Variants in VIT observed in about 807,000 individuals in gnomAD.
VIT encodes vitrin.
Under a neutral mutation model 78.0 loss-of-function variants are expected in VIT, and 99 were observed. The ratio of observed to expected loss-of-function variants is 1.27; its 90% confidence interval spans 1.08 to 1.50. The LOEUF (loss-of-function observed/expected upper bound fraction) is 1.50. Among genes scored for constraint, VIT ranks in the 40% most tolerant of loss-of-function variants. The probability of loss-of-function intolerance (pLI) is 0.00; values close to 1 mark genes in which losing one functional copy is unlikely to be tolerated. For synonymous variants in VIT, 374 were observed against 334.3 expected (o/e 1.12, Z -1.29); for missense variants, 1,126 against 875.3 (o/e 1.29, Z -3.61).
At position 36,743,209 on chromosome 2, in the gene VIT, T is replaced by C; in HGVS notation, c.228T>C (p.Thr76=). Residue 76 remains threonine (T), a synonymous_variant, in exon 4 of 16, where the codon ACT becomes ACC. Coordinates refer to ENST00000379242, the MANE Select transcript of VIT (RefSeq NM_053276.4). The part of the protein sequence containing the change: ...CQDPKYHVYG[T]DVYASYSSVC... ...ACCCCAAATACCATGTTTATGGCACTGACGTGTATGCATCCTACTCCAGTG... is the reference window on the plus strand; with the variant it reads ...ACCCCAAATACCATGTTTATGGCACCGACGTGTATGCATCCTACTCCAGTG... 2 of 1,614,108 alleles carry C rather than the reference T, an allele frequency of 1.2e-6. No individual in the cohort carries two copies. The highest frequency in any genetic ancestry group is 1.7e-6 in the Non-Finnish European group (2 of 1,179,970).
intron 2 of VIT, among the ~76,000 whole-genome samples, chr2:36,724,777 A>T (rs755352828): frequency 9.2e-5 from 14 of 152,200 alleles, no homozygotes; most frequent in Non-Finnish European, 1.9e-4. Context: ...TCTTACTAAA[A>T]TATTTATAGT....
In VIT at chr2:36,716,422, G is replaced by C; in HGVS notation, c.52G>C (p.Val18Leu). The C allele has an allele frequency of 6.2e-7, 1 of 1,613,502 alleles. No homozygotes were observed. The highest frequency in any genetic ancestry group is 8.5e-7 in the Non-Finnish European group (1 of 1,179,768). Reference sequence around the variant, plus strand: ...GGCATCTGTTATTGAAATGTTCCTTGGTAAGTACTTTTATATGTGTATCTG... The same window carrying C: ...GGCATCTGTTATTGAAATGTTCCTTCGTAAGTACTTTTATATGTGTATCTG... ...MKASVIEMFL[V>L]LLVTGVHSNK... is the part of the protein sequence containing the mutation. Residue 18 changes from valine to leucine, a missense_variant and splice_region_variant, in exon 2 of 16, where the codon GTT becomes CTT. Coordinates refer to ENST00000379242, the MANE Select transcript of VIT (RefSeq NM_053276.4).
intron 14 of VIT, among the ~76,000 whole-genome samples, chr2:36,807,466 C>T (rs1366496568): frequency 1.3e-5 from 2 of 152,252 alleles, no homozygotes; most frequent in East Asian, 3.8e-4. Context: ...AAGCTCAGCA[C>T]TTACCTCACA....
At chr2:36,744,666 T>C (rs1277783301) in intron 4 of VIT, among the ~76,000 whole-genome samples, 2 of 151,970 alleles carry the variant, frequency 1.3e-5, no homozygotes, top group African/African-American at 4.8e-5. Flanking sequence ...CTTTTTAACG[T>C]GGTTGTTTTT....
At chr2:36,747,869 G>A (rs1287612901) in intron 4 of VIT, among the ~76,000 whole-genome samples, 5 of 152,200 alleles carry the variant, frequency 3.3e-5, no homozygotes, top group Non-Finnish European at 7.4e-5. Context: ...ACTTAAGTGT[G>A]TTTTTGTGGT....
rs868005838 is a variant in VIT at position 36,714,290 on chromosome 2, T to A, written c.-18-2063T>A. ...ATATGCATAGCAGTGTATCAAATAT[T>A]GGATAGAAGCTTATACTGGGCCTAG... is the stretch of plus-strand genomic sequence containing the variant. On this transcript the variant is annotated intron_variant, in intron 1 of 15. Coordinates refer to ENST00000379242, the MANE Select transcript of VIT (RefSeq NM_053276.4). Among the ~76,000 whole-genome samples the A allele has an allele frequency of 3.3e-5, 5 of 152,358 alleles. No individual in the cohort carries two copies. The Middle Eastern group carries it at 0.014, about 415-fold the overall frequency.
intron 15 of VIT, among the ~76,000 whole-genome samples, chr2:36,811,096 C>G (rs1667131656): frequency 6.6e-6 from 1 of 152,202 alleles, no homozygotes; most frequent in African/African-American, 2.4e-5. Context: ...CGGTGACTTA[C>G]CCTTTATGGA....
chr2:36,773,996 C>A, intron 8 of VIT, 149 bp downstream of exon 8: 1 of 674,204 alleles, frequency 1.5e-6, no homozygotes, highest in Non-Finnish European at 2.2e-6. Context: ...AAGGGCCCAA[C>A]TTCTAAGAAA....
At chr2:36,761,800 C>G (rs947790234) in intron 6 of VIT, among the ~76,000 whole-genome samples, 2 of 152,098 alleles carry the variant, frequency 1.3e-5, no homozygotes, top group Non-Finnish European at 2.9e-5. Context: ...TGGGCCGTAT[C>G]TGGACAGCAG....
At chr2:36,775,109 T>G (rs1298096720) in intron 9 of VIT, 42 bp downstream of exon 9, 1 of 1,609,672 alleles carries the variant, frequency 6.2e-7, no homozygotes, top group Middle Eastern at 1.9e-4. Flanking sequence ...CCTAGGAATT[T>G]GCTCTGTGGC....
At chr2:36,781,808 T>G (rs1313710942) in intron 10 of VIT, 37 bp downstream of exon 10, 5 of 1,612,156 alleles carry the variant, frequency 3.1e-6, no homozygotes, top group Non-Finnish European at 4.2e-6. Flanking sequence ...CACGCGTGGA[T>G]CAAGATGCGC....
intron 3 of VIT, among the ~76,000 whole-genome samples, chr2:36,740,030 G>A (rs1667743677): frequency 6.6e-6 from 1 of 152,212 alleles, no homozygotes; most frequent in African/African-American, 2.4e-5. Context: ...TCTGGCATTT[G>A]CCAAATGTCT....
chr2:36,775,178 C>A (rs775174849), intron 9 of VIT, 111 bp downstream of exon 9: 1 of 1,228,872 alleles, frequency 8.1e-7, no homozygotes, highest in Non-Finnish European at 1.1e-6. Context: ...AGCTCAACTT[C>A]AGGTCACCAG....
At chr2:36,720,586 C>T (rs1666441069) in intron 2 of VIT, among the ~76,000 whole-genome samples, 1 of 152,140 alleles carries the variant, frequency 6.6e-6, no homozygotes, top group Non-Finnish European at 1.5e-5. Context: ...CACAGAAAGA[C>T]AAATACTGTA....
At chr2:36,782,147 G>C (rs539693354) in intron 10 of VIT, among the ~76,000 whole-genome samples, 4 of 152,302 alleles carry the variant, frequency 2.6e-5, no homozygotes, top group Non-Finnish European at 5.9e-5. Context: ...ACGAGAATGG[G>C]TGTTGTTTGC....
chr2:36,707,315 G>A (rs34386995), intron 1 of VIT, among the ~76,000 whole-genome samples: 16,056 of 151,880 alleles, frequency 0.11, 1,575 homozygotes, highest in East Asian at 0.43. Flanking sequence ...CATTTTCCTC[G>A]GCTGGACTTT....
At chr2:36,773,595 G>A (rs1669880527) in intron 7 of VIT, among the ~76,000 whole-genome samples, 196 bp from the exon 8 acceptor site, 1 of 152,126 alleles carries the variant, frequency 6.6e-6, no homozygotes, top group Admixed American at 6.5e-5. Context: ...GTTGAGCCTA[G>A]TGGTACGCAC....
At chr2:36,813,314 G>T (rs1329070044) in intron 15 of VIT, among the ~76,000 whole-genome samples, 1 of 151,990 alleles carries the variant, frequency 6.6e-6, no homozygotes, top group Non-Finnish European at 1.5e-5. Context: ...GCCAGGTGCA[G>T]TGGCACATGC....
chr2:36,735,668 T>G (rs991178757), intron 3 of VIT, among the ~76,000 whole-genome samples: 1 of 152,152 alleles, frequency 6.6e-6, no homozygotes, highest in Non-Finnish European at 1.5e-5. Flanking sequence ...TGCCCTGAGG[T>G]GGGTGCTTCT....
Sources: allele counts gnomAD v4.1 joint callset (sites outside exome capture counted in the v4.1 genomes callset), GRCh38; gene constraint gnomAD v4.1.1; transcripts MANE v1.5; gene names NCBI Gene and HGNC (gene_info 2026-07-23, HGNC 2026-07-21).